Variants in ALG5 observed in about 807,000 individuals in gnomAD.
ALG5 encodes the protein dolichyl-phosphate beta-glucosyltransferase.
Under a neutral mutation model 51.8 loss-of-function variants are expected in ALG5, and 26 were observed. That is an observed-to-expected ratio of 0.50 (90% CI 0.37 to 0.70). ALG5 has a LOEUF of 0.70. ALG5 is among the 30% of genes least tolerant of loss of function. The pLI, the probability that ALG5 is intolerant of heterozygous loss-of-function variation, is 0.00. For synonymous variants in ALG5, 141 were observed against 136.1 expected, an observed-to-expected ratio of 1.04 and a Z score of -0.25; for missense variants, 311 against 399.3, an observed-to-expected ratio of 0.78 and a Z score of 1.88.
intron 6 of ALG5, among the ~76,000 whole-genome samples, chr13:36,982,932 G>C (rs2058986469): frequency 6.6e-6 from 1 of 152,204 alleles, no homozygotes; most frequent in Non-Finnish European, 1.5e-5. Flanking sequence ...CGAATTAATA[G>C]CTTAATGATA....
At chr13:36,989,815 C>A (rs2059017740) in intron 4 of ALG5, among the ~76,000 whole-genome samples, 1 of 152,064 alleles carries the variant, frequency 6.6e-6, no homozygotes, top group Non-Finnish European at 1.5e-5. Flanking sequence ...TGGGCAATGA[C>A]CTTCTTTTCT....
intron 1 of ALG5, among the ~76,000 whole-genome samples, chr13:36,996,027 T>TTTTGCAGTCCA (rs138025821): frequency 0.011 from 1,620 of 152,244 alleles, 26 homozygotes; most frequent in African/African-American, 0.037. Flanking sequence ...GACAAGTCCA[T>TTTTGCAGTCCA]TTTGCAGTTG....
chr13:36,963,277 A>G (rs1049210633), intron 8 of ALG5, among the ~76,000 whole-genome samples: 3 of 152,230 alleles, frequency 2.0e-5, no homozygotes, highest in Admixed American at 2.0e-4. Context: ...AGAAAATTTG[A>G]AATTACATAT....
At chr13:36,968,200 C>T (rs187729930) in intron 7 of ALG5, 1 of 156,788 alleles carries the variant, frequency 6.4e-6, no homozygotes, top group African/African-American at 2.4e-5. Context: ...AGTGAAGCTA[C>T]TAAAAGAGAG....
intron 6 of ALG5, among the ~76,000 whole-genome samples, chr13:36,979,857 G>A (rs578196346): frequency 9.2e-5 from 14 of 152,146 alleles, no homozygotes; most frequent in South Asian, 4.2e-4. Context: ...GACCAGCCTC[G>A]GCAACATGGT....
chr13:36,958,853 G>A (rs751867459), intron 8 of ALG5, among the ~76,000 whole-genome samples: 1 of 152,150 alleles, frequency 6.6e-6, no homozygotes, highest in Non-Finnish European at 1.5e-5. Flanking sequence ...TATCGCCTGA[G>A]AGCACAGGGG....
At chr13:36,977,293 T>C (rs1234542879) in intron 6 of ALG5, among the ~76,000 whole-genome samples, 1 of 152,234 alleles carries the variant, frequency 6.6e-6, no homozygotes, top group Admixed American at 6.5e-5. Flanking sequence ...TAAACCTCTT[T>C]TGGAGTATAA....
At chr13:36,984,429 G>A in intron 6 of ALG5, among the ~76,000 whole-genome samples, 1 of 151,886 alleles carries the variant, frequency 6.6e-6, no homozygotes, top group Non-Finnish European at 1.5e-5. Context: ...TTGTTGTTTT[G>A]TCATCTTACC....
intron 6 of ALG5, among the ~76,000 whole-genome samples, chr13:36,978,828 A>G (rs1431391249): frequency 6.6e-6 from 1 of 151,216 alleles, no homozygotes; most frequent in East Asian, 2.0e-4. Context: ...AGGCAGGAGA[A>G]TCACTTGAAC....
chr13:36,993,786 G>T lies in ALG5; in HGVS notation c.286-114C>A. On this transcript the variant is annotated intron_variant, in intron 3 of 9. Coordinates refer to ENST00000239891, the MANE Select transcript of ALG5 (RefSeq NM_013338.5). ...CTTTAGTGTTGATACATATAAATTT[G>T]AATATAAATATTAGTGCACAAACCG... The T allele has an allele frequency of 5.0e-6, 4 of 792,398 alleles. No individual in the cohort carries two copies. The South Asian group carries it at 6.2e-5, about 12-fold the overall frequency. The allele number at this position is 792,398 out of a possible 1,614,324, so 49.1% of individuals were successfully genotyped here. A position where few individuals can be genotyped will look rare whatever the true frequency, so the allele number is the denominator to read the frequency against.
chr13:36,959,133 C>T (rs1362979571), intron 8 of ALG5, among the ~76,000 whole-genome samples: 2 of 152,152 alleles, frequency 1.3e-5, no homozygotes, highest in Non-Finnish European at 2.9e-5. Context: ...TGCATATCCT[C>T]TCACTTTTAT....
chr13:36,992,569 T>C (rs1197124651), intron 4 of ALG5, among the ~76,000 whole-genome samples: 1 of 152,196 alleles, frequency 6.6e-6, no homozygotes, highest in Non-Finnish European at 1.5e-5. Flanking sequence ...GCCTTTAGTA[T>C]ACAGGGCAGC....
At chr13:36,962,927 T>C (rs2058874584) in intron 8 of ALG5, among the ~76,000 whole-genome samples, 1 of 152,168 alleles carries the variant, frequency 6.6e-6, no homozygotes, top group Non-Finnish European at 1.5e-5. Flanking sequence ...GGAAATATAT[T>C]GGATAACAAG....
rs796791231 is a variant in ALG5, at chr13:36,954,704, TTTA to T, written c.774-2108_774-2106del. The stretch of plus-strand genomic sequence containing the variant: ...TCTCCAACTAAGATGCCTTCATTTG[TTTA>T]TGCAAATATGGGTTGGGCTGAGCCA... On this transcript the variant is annotated intron_variant, in intron 8 of 9. Coordinates refer to ENST00000239891, the MANE Select transcript of ALG5 (RefSeq NM_013338.5). Among the ~76,000 whole-genome samples the T allele has an allele frequency of 2.1e-4, 32 of 152,258 alleles. No homozygotes were observed. In the South Asian group the frequency reaches 6.4e-3, roughly 31 times the overall value.
At position 36,989,509 on chromosome 13, in the gene ALG5, C is replaced by A; in HGVS notation, c.422G>T (p.Arg141Leu). The A allele has an allele frequency of 1.2e-6, 2 of 1,612,480 alleles. No individual in the cohort carries two copies. Among genetic ancestry groups the A allele is most frequent in the Non-Finnish European group, 1.7e-6 (2 of 1,179,070 alleles). Residue 141 changes from arginine to leucine, a missense_variant, in exon 5 of 10, where the codon CGT becomes CTT. By Grantham distance (102) the Arg-to-Leu change is moderately radical (BLOSUM62 -2). Coordinates refer to ENST00000239891, the MANE Select transcript of ALG5 (RefSeq NM_013338.5). Reference sequence around the variant, plus strand: ...CATTCTAATCGCTCCACCTTTTCCACGATTCTTCACCAGGGTTATCACACG... The same window carrying A: ...CATTCTAATCGCTCCACCTTTTCCAAGATTCTTCACCAGGGTTATCACACG... The part of the protein sequence containing the change: ...KVRVITLVKN[R>L]GKGGAIRMGI...
At chr13:36,997,357 C>T (rs1462400386) in intron 1 of ALG5, among the ~76,000 whole-genome samples, 1 of 151,138 alleles carries the variant, frequency 6.6e-6, no homozygotes, top group African/African-American at 2.4e-5. Context: ...CCTGTAATCC[C>T]AGCTACTCAG....
Position 36,989,595 on chromosome 13 carries a change from A to G in ALG5, c.355-19T>C. On this transcript the variant is annotated intron_variant, in intron 4 of 9. Coordinates refer to ENST00000239891, the MANE Select transcript of ALG5 (RefSeq NM_013338.5). ...AAGCTACCTATGAAATTATATAAAA[A>G]TCAGAATAAAATTAATTTGGATTAA... The G allele has an allele frequency of 1.3e-6, 2 of 1,556,222 alleles. No homozygotes were observed. The highest frequency in any genetic ancestry group is 3.4e-4 in the Middle Eastern group (2 of 5,916).
chr13:36,956,755 TGAGCTTTAA>T (rs1191092047), intron 8 of ALG5, among the ~76,000 whole-genome samples: 1 of 152,082 alleles, frequency 6.6e-6, no homozygotes, highest in African/African-American at 2.4e-5. Flanking sequence ...CGGCTCGAGC[TGAGCTTTAA>T]GAGGTGGCAG....
chr13:36,989,039 T>A (rs1204361264), intron 5 of ALG5, among the ~76,000 whole-genome samples: 1 of 152,216 alleles, frequency 6.6e-6, no homozygotes, highest in Non-Finnish European at 1.5e-5. Context: ...AATTATAATC[T>A]TCTTTTTTAC....
Sources: gnomAD v4.1 joint callset for allele counts (sites outside exome capture counted in the v4.1 genomes callset) on GRCh38, gnomAD v4.1.1 for gene constraint, MANE v1.5 for transcripts, NCBI Gene and HGNC (gene_info 2026-07-23, HGNC 2026-07-21) for gene names.